Variants in PITPNC1 observed in about 807,000 individuals in gnomAD.
The protein encoded by PITPNC1 is cytoplasmic phosphatidylinositol transfer protein 1.
A neutral mutation model predicts 44.7 loss-of-function variants in PITPNC1; 18 were observed. The observed-to-expected ratio is 0.40, with a 90% CI of 0.28 to 0.60. The LOEUF (loss-of-function observed/expected upper bound fraction) is 0.60, where lower values mean the gene tolerates loss of function less well. PITPNC1 is among the 20% of genes least tolerant of loss of function. The pLI, the probability that PITPNC1 is intolerant of heterozygous loss-of-function variation, is 0.39. For synonymous variants in PITPNC1, 141 were observed against 149.6 expected, an observed-to-expected ratio of 0.94 and a Z score of 0.42; for missense variants, 290 against 418.4, an observed-to-expected ratio of 0.69 and a Z score of 2.68.
intron 1 of PITPNC1, among the ~76,000 whole-genome samples, chr17:67,506,697 T>C (rs1314665044): frequency 2.6e-5 from 4 of 152,174 alleles, no homozygotes; most frequent in Admixed American, 2.6e-4. Context: ...AAATTCTCAT[T>C]CAATAATTGG....
At chr17:67,394,203 A>G (rs529900038) in intron 1 of PITPNC1, among the ~76,000 whole-genome samples, 2 of 152,220 alleles carry the variant, frequency 1.3e-5, no homozygotes, top group African/African-American at 4.8e-5. Context: ...AATCCCCAGT[A>G]TCACAGAAGA....
chr17:67,502,867 C>T (rs1377602129), intron 1 of PITPNC1, among the ~76,000 whole-genome samples: 2 of 151,980 alleles, frequency 1.3e-5, no homozygotes, highest in East Asian at 1.9e-4. Context: ...ATCTTGGCTC[C>T]TCTGCAACCT....
chr17:67,622,330 A>G (rs2041842520), intron 5 of PITPNC1, among the ~76,000 whole-genome samples: 1 of 151,082 alleles, frequency 6.6e-6, no homozygotes, highest in Non-Finnish European at 1.5e-5. Flanking sequence ...TTCCTATCTT[A>G]ATGACCATGT....
chr17:67,635,893 A>G (rs189497407), intron 6 of PITPNC1, among the ~76,000 whole-genome samples: 14 of 152,334 alleles, frequency 9.2e-5, no homozygotes, highest in Admixed American at 3.3e-4. Context: ...GGCAATGCCT[A>G]TAGACATTCT....
At chr17:67,405,609 CTT>C (rs748815813) in intron 1 of PITPNC1, among the ~76,000 whole-genome samples, 28 of 141,824 alleles carry the variant, frequency 2.0e-4, no homozygotes, top group Admixed American at 2.1e-4. Flanking sequence ...TTCTTTCTTT[CTT>C]TTTTTTTTTT....
intron 6 of PITPNC1, among the ~76,000 whole-genome samples, chr17:67,637,035 G>A (rs1002773285): frequency 2.0e-5 from 3 of 152,128 alleles, no homozygotes; most frequent in Non-Finnish European, 4.4e-5. Flanking sequence ...GTTCTGGTCC[G>A]TGGCTTCTAG....
intron 1 of PITPNC1, among the ~76,000 whole-genome samples, chr17:67,439,247 T>TTTTA (rs1393580068): frequency 2.6e-5 from 4 of 152,334 alleles, no homozygotes; most frequent in African/African-American, 9.6e-5. Flanking sequence ...TTTTATTTTA[T>TTTTA]TTTACCAAGC....
At chr17:67,591,851 A>G (rs921395195) in intron 5 of PITPNC1, among the ~76,000 whole-genome samples, 1 of 151,530 alleles carries the variant, frequency 6.6e-6, no homozygotes, top group African/African-American at 2.4e-5. Context: ...CTGGGACTAC[A>G]GGAGCACATC....
chr17:67,512,720 T>C (rs916721673), intron 1 of PITPNC1, among the ~76,000 whole-genome samples: 3 of 152,162 alleles, frequency 2.0e-5, no homozygotes, highest in African/African-American at 7.2e-5. Flanking sequence ...CAGGATATAA[T>C]GGTGTTCACT....
chr17:67,500,706 A>C (rs907818235), intron 1 of PITPNC1, among the ~76,000 whole-genome samples: 3 of 151,238 alleles, frequency 2.0e-5, no homozygotes, highest in African/African-American at 7.3e-5. Context: ...TCTGTCAGCC[A>C]GGCTGGAGTA....
At chr17:67,548,635 T>G (rs916230498) in intron 2 of PITPNC1, among the ~76,000 whole-genome samples, 2 of 152,094 alleles carry the variant, frequency 1.3e-5, no homozygotes, top group Non-Finnish European at 2.9e-5. Flanking sequence ...TTTTGAAAAG[T>G]CTGTCTTTGG....
rs2042965024 is a variant in PITPNC1, at chr17:67,693,584, G to C, written c.*696G>C. 6.6e-6 allele frequency: 1 copy of C among 152,508 alleles called. No individual in the cohort carries two copies. Among genetic ancestry groups the C allele is most frequent in the African/African-American group, 2.4e-5 (1 of 41,418 alleles). 9.4% of individuals were successfully genotyped at this position (152,508 alleles called of 1,614,324 possible). A position where few individuals can be genotyped will look rare whatever the true frequency, so the allele number is the denominator to read the frequency against. ...CCTCAGAAATCCTTAAGAATTGCAT[G>C]GATGAATGTGACCATAACTGATTTT... On this transcript the variant is annotated 3_prime_UTR_variant, in exon 9 of 9. Transcript: ENST00000581322.
At chr17:67,491,015 C>T (rs1485518583) in intron 1 of PITPNC1, among the ~76,000 whole-genome samples, 1 of 152,216 alleles carries the variant, frequency 6.6e-6, no homozygotes, top group Non-Finnish European at 1.5e-5. Context: ...AATTGTGATG[C>T]CAGGGTCTAT....
chr17:67,689,649 CTT>C (rs768656711), intron 8 of PITPNC1, among the ~76,000 whole-genome samples: 49 of 152,180 alleles, frequency 3.2e-4, no homozygotes, highest in South Asian at 8.3e-4. Context: ...GGAAATAAGT[CTT>C]TTCAATTGAG....
chr17:67,608,068 A>T (rs1177123601), intron 5 of PITPNC1, among the ~76,000 whole-genome samples: 2 of 152,002 alleles, frequency 1.3e-5, no homozygotes, highest in Non-Finnish European at 2.9e-5. Flanking sequence ...CGCCCTAAGA[A>T]CAAGGGCTTT....
intron 5 of PITPNC1, among the ~76,000 whole-genome samples, chr17:67,621,872 C>T (rs922134608): frequency 1.3e-5 from 2 of 152,072 alleles, no homozygotes; most frequent in African/African-American, 4.8e-5. Flanking sequence ...CCTAACAACA[C>T]TTTGGGAGGC....
chr17:67,668,302 T>C (rs1019433024), intron 6 of PITPNC1, among the ~76,000 whole-genome samples: 1 of 152,244 alleles, frequency 6.6e-6, no homozygotes, highest in Admixed American at 6.5e-5. Context: ...CGTTTTTGCA[T>C]GTATCAGCCA....
intron 1 of PITPNC1, among the ~76,000 whole-genome samples, chr17:67,528,353 CTT>C (rs1362463348): frequency 6.6e-6 from 1 of 152,186 alleles, no homozygotes; most frequent in Non-Finnish European, 1.5e-5. Context: ...GACCCTGTCT[CTT>C]TTAAAAGAAA....
At chr17:67,580,645 A>G (rs111366799) in intron 5 of PITPNC1, among the ~76,000 whole-genome samples, 76 of 152,262 alleles carry the variant, frequency 5.0e-4, no homozygotes, top group African/African-American at 1.6e-3. Flanking sequence ...CTGGCTGGAA[A>G]AAAATTTTTT....
Sources: gnomAD v4.1 joint callset for allele counts (sites outside exome capture counted in the v4.1 genomes callset) on GRCh38, gnomAD v4.1.1 for gene constraint, MANE v1.5 for transcripts, NCBI Gene and HGNC (gene_info 2026-07-23, HGNC 2026-07-21) for gene names.